CHL1: variants seen among roughly 807,000 people sequenced by gnomAD.
CHL1 encodes the protein neural cell adhesion molecule L1-like protein.
A neutral mutation model predicts 141.9 loss-of-function variants in CHL1; 96 were observed. The observed-to-expected ratio is 0.68, with a 90% CI of 0.57 to 0.80. The LOEUF is 0.80. CHL1 is among the 30% of genes least tolerant of loss of function. The pLI is 0.00. For synonymous variants in CHL1, 613 were observed against 502.2 expected, an observed-to-expected ratio of 1.22 and a Z score of -2.95; for missense variants, 1,820 against 1,457.2, an observed-to-expected ratio of 1.25 and a Z score of -4.05.
At chr3:307,421 C>G (rs1699339962) in intron 2 of CHL1, among the ~76,000 whole-genome samples, 1 of 152,176 alleles carries the variant, frequency 6.6e-6, no homozygotes, top group Admixed American at 6.5e-5. Flanking sequence ...CAGAAATCTG[C>G]AAGAAAGCTT....
chr3:263,646 A>G (rs62228342), intron 2 of CHL1, among the ~76,000 whole-genome samples: 10,930 of 152,206 alleles, frequency 0.072, 467 homozygotes, highest in Non-Finnish European at 0.091. Flanking sequence ...TATTCACATA[A>G]TTGATGTAGA....
At chr3:314,379 G>C (rs1052617008) in intron 2 of CHL1, among the ~76,000 whole-genome samples, 7 of 96,584 alleles carry the variant, frequency 7.2e-5, no homozygotes, top group Non-Finnish European at 1.6e-4. Context: ...ATCTGCTTCA[G>C]CAATATTCAT....
At chr3:211,613 C>T (rs533966889) in intron 1 of CHL1, among the ~76,000 whole-genome samples, 3 of 152,264 alleles carry the variant, frequency 2.0e-5, no homozygotes, top group African/African-American at 7.2e-5. Flanking sequence ...CATTCTTCTA[C>T]CTCTGAAGCA....
chr3:360,852 T>C (rs1176590635), intron 12 of CHL1, among the ~76,000 whole-genome samples: 1 of 150,056 alleles, frequency 6.7e-6, no homozygotes, highest in Non-Finnish European at 1.5e-5. Context: ...TTTGGTTTTT[T>C]GTTCTTGCGA....
intron 1 of CHL1, among the ~76,000 whole-genome samples, chr3:221,222 T>C (rs964609713): frequency 1.3e-5 from 2 of 152,240 alleles, no homozygotes; most frequent in African/African-American, 4.8e-5. Flanking sequence ...GGGCACGTGT[T>C]CTCAGGATCT....
At chr3:328,421 G>T in intron 5 of CHL1, 67 bp downstream of exon 5, 1 of 1,279,556 alleles carries the variant, frequency 7.8e-7, no homozygotes, top group South Asian at 1.6e-5. Context: ...GAGTTAGATT[G>T]GGTTCCAATG....
rs375636674 is a variant in CHL1 at position 373,249 on chromosome 3, C to G, written c.1752-4569C>G. On this transcript the variant is annotated intron_variant, in intron 15 of 27. Coordinates refer to ENST00000256509, the MANE Select transcript of CHL1 (RefSeq NM_006614.4). ...TGCAGAGACCATGGCCACCCCTCCC[C>G]CTAGGGGCTCAGGCCCAGGGAGATC... 2.0e-5 allele frequency among the ~76,000 whole-genome samples: 3 copies of G among 152,228 alleles called. No homozygotes were observed. In the East Asian group the frequency reaches 5.8e-4, roughly 29 times the overall value.
At position 322,774 on chromosome 3, in the gene CHL1, G is replaced by A. The variant is rs559873331; in HGVS notation, c.91+2907G>A. On this transcript the variant is annotated intron_variant, in intron 3 of 27. Coordinates refer to ENST00000256509, the MANE Select transcript of CHL1 (RefSeq NM_006614.4). ...CAGTAGGATCATTTGAGCCCAGGAG[G>A]TTGAGGCTGCAGTGAGCCATGATCA... Among the ~76,000 whole-genome samples, 664 of 149,848 alleles carry A rather than the reference G, an allele frequency of 4.4e-3. 6 individuals carry two copies. The highest frequency in any genetic ancestry group is 0.015 in the African/African-American group (606 of 40,812).
intron 1 of CHL1, chr3:198,096 C>T (rs933204082): frequency 1.4e-5 from 4 of 282,702 alleles, no homozygotes; most frequent in South Asian, 6.0e-5. Flanking sequence ...GGCCCAGGTA[C>T]CCCCGCCCCA....
chr3:368,172 C>T (rs191217337), intron 15 of CHL1, among the ~76,000 whole-genome samples: 1 of 152,326 alleles, frequency 6.6e-6, no homozygotes, highest in Non-Finnish European at 1.5e-5. Flanking sequence ...GGAATCACCA[C>T]ACTGTCTTCC....
intron 10 of CHL1, among the ~76,000 whole-genome samples, chr3:349,879 C>T (rs1703095384): frequency 6.6e-6 from 1 of 152,118 alleles, no homozygotes; most frequent in Non-Finnish European, 1.5e-5. Context: ...ATCATAAAAG[C>T]AGCAGTAAGG....
At chr3:356,191 G>T (rs1345662340) in intron 11 of CHL1, among the ~76,000 whole-genome samples, 1 of 152,126 alleles carries the variant, frequency 6.6e-6, no homozygotes, top group Non-Finnish European at 1.5e-5. Flanking sequence ...TGAGGTTTTG[G>T]GTAGACGAAG....
intron 1 of CHL1, among the ~76,000 whole-genome samples, chr3:214,879 G>T (rs568784647): frequency 1.3e-5 from 2 of 151,910 alleles, no homozygotes; most frequent in African/African-American, 4.8e-5. Flanking sequence ...AATTATGTAT[G>T]CCTAATGAGA....
intron 1 of CHL1, among the ~76,000 whole-genome samples, chr3:225,833 AC>A (rs1353874712): frequency 1.3e-5 from 2 of 151,718 alleles, no homozygotes; most frequent in African/African-American, 4.8e-5. Context: ...CTCTGTGAAA[AC>A]CCGTCTCTAC....
At chr3:361,627 C>G in intron 12 of CHL1, 72 bp from the exon 13 acceptor site, 1 of 997,546 alleles carries the variant, frequency 1.0e-6, no homozygotes, top group South Asian at 1.3e-5. Flanking sequence ...ATGACTAGGA[C>G]ATAGAAAAAT....
At chr3:331,180 TTTTCC>T (rs1272239737) in intron 5 of CHL1, among the ~76,000 whole-genome samples, 1 of 147,026 alleles carries the variant, frequency 6.8e-6, no homozygotes, top group African/African-American at 2.5e-5. Context: ...GAAAGATTTC[TTTTCC>T]TTTCTTTTCT....
chr3:296,405 G>C (rs1442990947), intron 2 of CHL1, among the ~76,000 whole-genome samples: 1 of 151,122 alleles, frequency 6.6e-6, no homozygotes. Context: ...CTGATATTAG[G>C]ATATAAATCC....
At chr3:405,127 G>C (rs948966987) in intron 27 of CHL1, among the ~76,000 whole-genome samples, 3 of 152,100 alleles carry the variant, frequency 2.0e-5, no homozygotes, top group Non-Finnish European at 4.4e-5. Flanking sequence ...TTGGTTATCA[G>C]GTTTTAACAT....
At chr3:321,528 C>T (rs773431016) in intron 3 of CHL1, among the ~76,000 whole-genome samples, 24 of 151,992 alleles carry the variant, frequency 1.6e-4, no homozygotes, top group Non-Finnish European at 1.8e-4. Context: ...CATTGTCTTC[C>T]GAATAGCAAC....
Sources: gnomAD v4.1 joint callset for allele counts (sites outside exome capture counted in the v4.1 genomes callset) on GRCh38, gnomAD v4.1.1 for gene constraint, MANE v1.5 for transcripts, NCBI Gene and HGNC (gene_info 2026-07-23, HGNC 2026-07-21) for gene names.